The following GOLIM4 variants were observed in gnomAD, a reference collection of about 807,000 sequenced individuals.
GOLIM4 encodes golgi integral membrane protein 4.
GOLIM4 carries 71 observed loss-of-function variants against 107.4 expected under a neutral mutation model. That is an observed-to-expected ratio of 0.66 (90% confidence interval 0.55 to 0.81). GOLIM4 has a LOEUF of 0.81. Ranked by LOEUF, GOLIM4 falls within the 30% of genes least tolerant of loss-of-function variation. GOLIM4 has a pLI of 0.00. For synonymous variants in GOLIM4, 327 were observed against 294.8 expected (o/e 1.11, Z -1.12); for missense variants, 830 against 826.1 (o/e 1.00, Z -0.06).
chr3:168,090,293 T>C (rs544005712), intron 1 of GOLIM4, among the ~76,000 whole-genome samples: 21 of 151,224 alleles, frequency 1.4e-4, no homozygotes, highest in Admixed American at 1.2e-3. Context: ...AAAGGGCTAA[T>C]ATCCAGAAGC....
intron 1 of GOLIM4, among the ~76,000 whole-genome samples, chr3:168,050,871 A>ATAATAATAATAAT (rs1560090498): frequency 6.7e-6 from 1 of 149,178 alleles, no homozygotes; most frequent in Non-Finnish European, 1.5e-5. Context: ...AATAATAATA[A>ATAATAATAATAAT]AACCTAGCAG....
intron 3 of GOLIM4, 88 bp downstream of exon 3, chr3:168,046,862 A>T: frequency 3.0e-6 from 2 of 663,286 alleles, no homozygotes; most frequent in Non-Finnish European, 4.9e-6. Flanking sequence ...AAAGTAAAAG[A>T]GTTCGCAACT....
intron 1 of GOLIM4, among the ~76,000 whole-genome samples, chr3:168,075,335 C>T (rs1470188703): frequency 1.8e-5 from 2 of 113,208 alleles, no homozygotes; most frequent in Non-Finnish European, 3.3e-5. Context: ...CTCGCTCTGT[C>T]GCCCAGGCTG....
chr3:168,018,884 A>C (rs766211985), intron 14 of GOLIM4, among the ~76,000 whole-genome samples: 2 of 152,240 alleles, frequency 1.3e-5, no homozygotes, highest in East Asian at 3.9e-4. Flanking sequence ...TCTAAATCAG[A>C]GATCAGCAAA....
Position 168,095,695 on chromosome 3 carries a change from C to G in GOLIM4, c.-410G>C, listed in dbSNP as rs966998948. ...GCCACTCCCCGCCCTATCGCGGCGG[C>G]TCCCACTGCACGACTTTGTTGCCAC... On this transcript the variant is annotated 5_prime_UTR_variant, in exon 1 of 16. Coordinates refer to ENST00000470487, the MANE Select transcript of GOLIM4 (RefSeq NM_014498.5). 1 of 183,334 alleles carries G rather than the reference C, an allele frequency of 5.5e-6. No individual in the cohort carries two copies. The highest frequency in any genetic ancestry group is 2.4e-5 in the African/African-American group (1 of 41,706). The allele number at this position is 183,334 out of a possible 1,614,324, so 11.4% of individuals were successfully genotyped here.
At chr3:168,041,546 T>A in intron 5 of GOLIM4, 72 bp from the exon 6 acceptor site, 1 of 727,210 alleles carries the variant, frequency 1.4e-6, no homozygotes. Flanking sequence ...TATTTTCATA[T>A]CTAAAGCCAC....
chr3:168,092,029 G>T (rs1051901646), intron 1 of GOLIM4, among the ~76,000 whole-genome samples: 28 of 152,192 alleles, frequency 1.8e-4, no homozygotes, highest in African/African-American at 6.8e-4. Flanking sequence ...GACTTTTGAA[G>T]CCTGGGTTCC....
chr3:168,059,649 G>C (rs1720151316), intron 1 of GOLIM4, among the ~76,000 whole-genome samples: 1 of 152,188 alleles, frequency 6.6e-6, no homozygotes, highest in South Asian at 2.1e-4. Context: ...CTCACAGAGA[G>C]ATATAGATGA....
chr3:168,074,171 G>A (rs963304646), intron 1 of GOLIM4, among the ~76,000 whole-genome samples: 8 of 152,084 alleles, frequency 5.3e-5, no homozygotes, highest in African/African-American at 1.9e-4. Context: ...GCTTGGGAGT[G>A]GATCCTCCCT....
intron 9 of GOLIM4, among the ~76,000 whole-genome samples, chr3:168,031,147 A>T (rs1718313759): frequency 6.6e-6 from 1 of 152,188 alleles, no homozygotes; most frequent in Non-Finnish European, 1.5e-5. Flanking sequence ...TAAAAAAGCG[A>T]TATTGATAAG....
intron 1 of GOLIM4, among the ~76,000 whole-genome samples, chr3:168,091,619 T>C (rs903564638): frequency 9.2e-5 from 14 of 152,298 alleles, no homozygotes; most frequent in African/African-American, 2.9e-4. Context: ...ATGACAAACC[T>C]GGCAAGAGTA....
chr3:168,084,340 T>G (rs1218061933), intron 1 of GOLIM4, among the ~76,000 whole-genome samples: 1 of 152,190 alleles, frequency 6.6e-6, no homozygotes, highest in African/African-American at 2.4e-5. Context: ...CTCAGGTAGT[T>G]CTTTCTAGCA....
In GOLIM4 at chr3:168,027,809, A is replaced by G. The variant is rs1178804130; in HGVS notation, c.1542T>C (p.Asp514=). 1.2e-6 allele frequency: 2 copies of G among 1,613,080 alleles called. No individual in the cohort carries two copies. Among genetic ancestry groups the G allele is most frequent in the Non-Finnish European group, 1.7e-6 (2 of 1,179,112 alleles). Residue 514 remains aspartate (D), a synonymous_variant, in exon 12 of 16, where the codon GAT becomes GAC. Transcript: ENST00000470487. ...GAYERDNQHQ[D]EAEGDPGNRH... ...TATTACCTGGATCTCCTTCTGCTTC[A>G]TCTTGGTGCTGGTTGTCTCTTTCAT...
At chr3:168,013,933 A>G (rs1442443970) in intron 14 of GOLIM4, among the ~76,000 whole-genome samples, 1 of 151,186 alleles carries the variant, frequency 6.6e-6, no homozygotes, top group Non-Finnish European at 1.5e-5. Context: ...CACAAGAGAA[A>G]GCAGGAAAGA....
chr3:168,094,175 TTTACG>T (rs1468816961), intron 1 of GOLIM4, among the ~76,000 whole-genome samples: 13 of 152,366 alleles, frequency 8.5e-5, no homozygotes, highest in African/African-American at 3.1e-4. Flanking sequence ...TGACTTTGAA[TTTACG>T]TTAAAAGTAA....
chr3:168,027,748 C>G lies in GOLIM4; in HGVS notation c.1603G>C (p.Asp535His). 1 of 1,606,162 alleles carries G rather than the reference C, an allele frequency of 6.2e-7. No individual in the cohort carries two copies. Among genetic ancestry groups the G allele is most frequent in the Non-Finnish European group, 8.5e-7 (1 of 1,172,896 alleles). The change falls in exon 12 of 16, where the codon GAC (aspartate) becomes CAC (histidine). Residue 535 changes from aspartate (D) to histidine (H), a missense_variant. Physicochemically the swap from Asp to His is moderately conservative, Grantham distance 81 (BLOSUM62 -1). Transcript: ENST00000470487. Reference sequence around the variant, plus strand: ...CTTACATCTGCCTCAGATTCTGGGTCGGCTTCTCGGGGTCCTTGTTCACGA... The same window carrying G: ...CTTACATCTGCCTCAGATTCTGGGTGGGCTTCTCGGGGTCCTTGTTCACGA... ...EPREQGPREA[D>H]PESEADRAAV... is the part of the protein sequence containing the mutation.
At chr3:168,021,450 G>C (rs1035818825) in intron 14 of GOLIM4, among the ~76,000 whole-genome samples, 1 of 152,156 alleles carries the variant, frequency 6.6e-6, no homozygotes, top group African/African-American at 2.4e-5. Context: ...AGGATCACCT[G>C]AGGTCAGGAG....
intron 8 of GOLIM4, among the ~76,000 whole-genome samples, chr3:168,035,502 A>G (rs1020056671): frequency 6.6e-6 from 1 of 152,242 alleles, no homozygotes; most frequent in African/African-American, 2.4e-5. Flanking sequence ...TTGCAGGGGC[A>G]TGGATGGAGC....
intron 12 of GOLIM4, 122 bp from the exon 13 acceptor site, chr3:168,025,217 T>A (rs1174391799): frequency 1.6e-5 from 12 of 734,486 alleles, no homozygotes; most frequent in Non-Finnish European, 2.0e-5. Context: ...TTCAGATCTA[T>A]CCTTGCCAAG....
Sources: gnomAD v4.1 joint callset for allele counts (sites outside exome capture counted in the v4.1 genomes callset) on GRCh38, gnomAD v4.1.1 for gene constraint, MANE v1.5 for transcripts, NCBI Gene and HGNC (gene_info 2026-07-23, HGNC 2026-07-21) for gene names.